The following ABCG1 variants were observed in gnomAD, a reference collection of about 807,000 sequenced individuals.
The protein encoded by ABCG1 is ATP binding cassette subfamily G member 1, also known as ATP-binding cassette sub-family G member 1.
Under a neutral mutation model 69.2 loss-of-function variants are expected in ABCG1, and 29 were observed. The ratio of observed to expected loss-of-function variants is 0.42; its 90% CI spans 0.31 to 0.57. ABCG1 has a LOEUF of 0.57. Among genes scored for constraint, ABCG1 ranks in the 20% least tolerant of loss-of-function variants. The pLI is 0.15. For missense variants in ABCG1, 718 were observed against 898.1 expected (o/e 0.80, Z 2.56); for synonymous variants, 370 against 374.8 (o/e 0.99, Z 0.15).
intron 2 of ABCG1, among the ~76,000 whole-genome samples, chr21:42,204,703 T>A (rs1310416579): frequency 2.0e-5 from 3 of 152,224 alleles, no homozygotes; most frequent in Non-Finnish European, 4.4e-5. Flanking sequence ...AGTGTAGTAG[T>A]CTTGCTGTGT....
chr21:42,237,423 C>G (rs896294932), intron 2 of ABCG1, among the ~76,000 whole-genome samples: 3 of 152,200 alleles, frequency 2.0e-5, no homozygotes, highest in African/African-American at 7.2e-5. Flanking sequence ...CTAGGGGAAG[C>G]CTTCCTTCAT....
intron 2 of ABCG1, among the ~76,000 whole-genome samples, chr21:42,264,218 C>T (rs1489242445): frequency 2.6e-5 from 4 of 152,302 alleles, no homozygotes; most frequent in African/African-American, 7.2e-5. Flanking sequence ...CACCGGAATT[C>T]GGGATGTCTG....
intron 2 of ABCG1, among the ~76,000 whole-genome samples, chr21:42,254,840 T>G (rs188294089): frequency 0.01 from 1,524 of 152,108 alleles, 13 homozygotes; most frequent in Non-Finnish European, 0.018. Flanking sequence ...CTGAGATGAA[T>G]GGGGAGCGAG....
intron 2 of ABCG1, among the ~76,000 whole-genome samples, chr21:42,231,282 G>A (rs1458882130): frequency 2.6e-5 from 4 of 152,208 alleles, no homozygotes; most frequent in African/African-American, 9.7e-5. Context: ...AACAAATGTA[G>A]TCATATCTGG....
At chr21:42,235,646 G>C (rs1211002072) in intron 2 of ABCG1, among the ~76,000 whole-genome samples, 1 of 152,214 alleles carries the variant, frequency 6.6e-6, no homozygotes, top group Non-Finnish European at 1.5e-5. Flanking sequence ...AATTGGTTAA[G>C]TTATTATCGA....
At chr21:42,282,755 C>A (rs947985981) in intron 6 of ABCG1, among the ~76,000 whole-genome samples, 1 of 152,222 alleles carries the variant, frequency 6.6e-6, no homozygotes, top group Non-Finnish European at 1.5e-5. Flanking sequence ...ACCTGGGAAA[C>A]GGTGTGTCTT....
intron 13 of ABCG1, among the ~76,000 whole-genome samples, chr21:42,293,328 A>G (rs1278329759): frequency 1.4e-5 from 2 of 141,796 alleles, no homozygotes; most frequent in African/African-American, 2.7e-5. Context: ...TACACACTAC[A>G]CACCACACTA....
chr21:42,295,921 A>G (rs1376845215), intron 14 of ABCG1, among the ~76,000 whole-genome samples: 2 of 152,194 alleles, frequency 1.3e-5, no homozygotes, highest in Non-Finnish European at 2.9e-5. Context: ...CGCTCATTCA[A>G]CTTGTTTTTT....
At chr21:42,268,215 G>A (rs1176624451) in intron 2 of ABCG1, among the ~76,000 whole-genome samples, 3 of 152,212 alleles carry the variant, frequency 2.0e-5, no homozygotes, top group Non-Finnish European at 2.9e-5. Flanking sequence ...TGTCCATTAT[G>A]CCAAGAAGTG....
At chr21:42,255,498 A>G (rs1351728035) in intron 2 of ABCG1, among the ~76,000 whole-genome samples, 1 of 152,028 alleles carries the variant, frequency 6.6e-6, no homozygotes, top group African/African-American at 2.4e-5. Flanking sequence ...TGTGCATGGC[A>G]TGGGTGTGTA....
intron 6 of ABCG1, among the ~76,000 whole-genome samples, chr21:42,284,332 T>C (rs1362960159): frequency 1.3e-5 from 2 of 151,354 alleles, no homozygotes; most frequent in Non-Finnish European, 2.9e-5. Flanking sequence ...CTGGGGTCCC[T>C]CCGTTCTTAC....
chr21:42,245,757 A>G (rs552954356), intron 2 of ABCG1, among the ~76,000 whole-genome samples: 2 of 152,000 alleles, frequency 1.3e-5, no homozygotes, highest in Admixed American at 1.3e-4. Flanking sequence ...CCTGAGATCC[A>G]TGCTTTCTGA....
At chr21:42,247,140 A>C (rs1458883179) in intron 2 of ABCG1, among the ~76,000 whole-genome samples, 2 of 152,326 alleles carry the variant, frequency 1.3e-5, no homozygotes, top group East Asian at 3.9e-4. Context: ...TCAGGATAAA[A>C]ATATTTGAAA....
chr21:42,257,948 C>G (rs1057117198), intron 2 of ABCG1, among the ~76,000 whole-genome samples: 4 of 150,606 alleles, frequency 2.7e-5, no homozygotes, highest in African/African-American at 9.8e-5. Flanking sequence ...CTCCATCAGC[C>G]TCTCCATCCA....
intron 1 of ABCG1, among the ~76,000 whole-genome samples, chr21:42,224,222 T>A (rs981528510): frequency 6.6e-5 from 10 of 152,150 alleles, no homozygotes; most frequent in Non-Finnish European, 1.2e-4. Context: ...GATTTGGTGT[T>A]TTTGGGGCTC....
At chr21:42,201,426 G>A (rs1426892864) in intron 1 of ABCG1, among the ~76,000 whole-genome samples, 2 of 152,096 alleles carry the variant, frequency 1.3e-5, no homozygotes, top group Non-Finnish European at 2.9e-5. Context: ...CTCGCTTGCC[G>A]CTCACCTCCT....
chr21:42,218,004 C>T (rs2067661385), upstream of ABCG1, among the ~76,000 whole-genome samples: 1 of 152,218 alleles, frequency 6.6e-6, no homozygotes. Context: ...CAGACAAAGG[C>T]AAGGCCTCCC....
At chr21:42,225,971 C>G in intron 2 of ABCG1, 57 bp downstream of exon 2, 1 of 1,581,564 alleles carries the variant, frequency 6.3e-7, no homozygotes, top group South Asian at 1.1e-5. Flanking sequence ...AAGGAGGCAA[C>G]AGGTTGTTTG....
intron 1 of ABCG1, among the ~76,000 whole-genome samples, chr21:42,223,211 C>T (rs1243838825): frequency 1.3e-5 from 2 of 152,218 alleles, no homozygotes; most frequent in African/African-American, 2.4e-5. Context: ...TTCACTGTCT[C>T]ATGCTGGTGG....
Sources: allele counts gnomAD v4.1 joint callset (sites outside exome capture counted in the v4.1 genomes callset), GRCh38; gene constraint gnomAD v4.1.1; transcripts MANE v1.5; gene names NCBI Gene and HGNC (gene_info 2026-07-23, HGNC 2026-07-21).